The following SUGCT variants were observed in gnomAD, a reference collection of about 807,000 sequenced individuals.
The protein encoded by SUGCT is succinyl-CoA:glutarate CoA-transferase.
In SUGCT, 41 loss-of-function variants were observed where a neutral mutation model predicts 55.0. The observed-to-expected ratio is 0.74, with a 90% confidence interval of 0.58 to 0.97. The LOEUF is 0.97. Among genes scored for constraint, SUGCT ranks in the 50% least tolerant of loss-of-function variants. The probability of loss-of-function intolerance (pLI) is 0.00; values close to 1 mark genes in which losing one functional copy is unlikely to be tolerated. For synonymous variants in SUGCT, 187 were observed against 200.4 expected (o/e 0.93, Z 0.56); for missense variants, 568 against 547.8 (o/e 1.04, Z -0.37).
chr7:40,691,266 C>G (rs952019778), intron 12 of SUGCT, among the ~76,000 whole-genome samples: 3 of 151,968 alleles, frequency 2.0e-5, no homozygotes, highest in Non-Finnish European at 4.4e-5. Flanking sequence ...GTATATGAGA[C>G]TGTGTAGACT....
intron 12 of SUGCT, among the ~76,000 whole-genome samples, chr7:40,729,803 G>A (rs547703880): frequency 4.6e-5 from 7 of 152,260 alleles, no homozygotes; most frequent in African/African-American, 1.2e-4. Flanking sequence ...GAAAACACAC[G>A]CCACTGCTAA....
chr7:40,937,239 G>A, the SUGCT span, among the ~76,000 whole-genome samples: 2 of 152,026 alleles, frequency 1.3e-5, no homozygotes, highest in Non-Finnish European at 2.9e-5. Flanking sequence ...CTCAATCTCG[G>A]CTCACTGCAA....
chr7:40,274,610 A>C lies in SUGCT; in HGVS notation c.674A>C (p.Lys225Thr). ...AIMAGLIQKYKTGKGLFIDCN... is the reference protein window; with the variant it reads ...AIMAGLIQKYTTGKGLFIDCN... ...ATGGCTGGATTGATACAAAAATACA[A>C]AACTGGGAAAGGACTGTTCATTGAT... The change falls in exon 8 of 14, where the codon AAA (lysine) becomes ACA (threonine). Residue 225 changes from lysine (K) to threonine (T), a missense_variant. Physicochemically the swap from Lys to Thr is moderately conservative, Grantham distance 78. Coordinates refer to ENST00000335693, the MANE Select transcript of SUGCT (RefSeq NM_001193313.2). The C allele has an allele frequency of 6.2e-7, 1 of 1,613,800 alleles. No homozygotes were observed.
At chr7:40,245,899 A>G (rs993026474) in intron 7 of SUGCT, among the ~76,000 whole-genome samples, 2 of 152,078 alleles carry the variant, frequency 1.3e-5, no homozygotes, top group African/African-American at 4.8e-5. Flanking sequence ...GCTGGAGTGC[A>G]GTGGTGCGAT....
chr7:41,000,047 A>G, the SUGCT span, among the ~76,000 whole-genome samples: 2 of 152,148 alleles, frequency 1.3e-5, no homozygotes, highest in Non-Finnish European at 2.9e-5. Flanking sequence ...TTTCCAGAAC[A>G]AGATGGGAGT....
intron 1 of SUGCT, among the ~76,000 whole-genome samples, chr7:40,139,550 T>C (rs764852053): frequency 6.6e-6 from 1 of 152,202 alleles, no homozygotes; most frequent in Non-Finnish European, 1.5e-5. Context: ...TGCCTACTCA[T>C]GTCCTTAGCC....
Position 40,223,048 on chromosome 7 carries a change from T to C in SUGCT, c.485-14587T>C, listed in dbSNP as rs13232078. Among the ~76,000 whole-genome samples, 16 of 150,120 alleles carry C rather than the reference T, an allele frequency of 1.1e-4. No homozygotes were observed. The East Asian group carries it at 2.4e-3, about 22-fold the overall frequency. Reference sequence around the variant, plus strand: ...TTCCTTCCTTCCTTCCTTCCATCCATCCACCCATCCTTCCATTTCTTTCTT... The same window carrying C: ...TTCCTTCCTTCCTTCCTTCCATCCACCCACCCATCCTTCCATTTCTTTCTT... On this transcript the variant is annotated intron_variant, in intron 6 of 13. Coordinates refer to ENST00000335693, the MANE Select transcript of SUGCT (RefSeq NM_001193313.2).
the SUGCT span, among the ~76,000 whole-genome samples, chr7:40,917,480 C>A: frequency 0.27 from 40,355 of 151,938 alleles, 5,415 homozygotes; most frequent in Middle Eastern, 0.33. Flanking sequence ...ACGCAGCCAC[C>A]CAGATTCCTC....
chr7:40,623,578 A>C (rs1799375960), intron 12 of SUGCT, among the ~76,000 whole-genome samples: 1 of 152,218 alleles, frequency 6.6e-6, no homozygotes, highest in Non-Finnish European at 1.5e-5. Flanking sequence ...TATTAAAAGC[A>C]ATACAATTCC....
the SUGCT span, among the ~76,000 whole-genome samples, chr7:40,902,265 T>A: frequency 2.8e-4 from 42 of 152,086 alleles, no homozygotes; most frequent in African/African-American, 9.7e-4. Flanking sequence ...TGTTTATGTT[T>A]AATATATTTT....
At position 40,168,740 on chromosome 7, in the gene SUGCT, G is replaced by C. The variant is rs1291948804; in HGVS notation, c.101-12207G>C. Among the ~76,000 whole-genome samples, 7 of 152,118 alleles carry C rather than the reference G, an allele frequency of 4.6e-5. No homozygotes were observed. In the South Asian group the frequency reaches 6.2e-4, roughly 13 times the overall value. ...CAGGCAAAAGTATTTTTCCTTCTTC[G>C]GCGGCTAGCCATCCTGAGGGGAGGA... On this transcript the variant is annotated intron_variant, in intron 1 of 13. Transcript: ENST00000335693.
intron 12 of SUGCT, among the ~76,000 whole-genome samples, chr7:40,707,057 T>C (rs1785453704): frequency 6.6e-6 from 1 of 152,162 alleles, no homozygotes; most frequent in South Asian, 2.1e-4. Flanking sequence ...TCCTAGCAGC[T>C]TCCTCGGATA....
intron 9 of SUGCT, among the ~76,000 whole-genome samples, chr7:40,382,009 GTGTGTC>G (rs957883406): frequency 1.3e-4 from 20 of 150,708 alleles, no homozygotes; most frequent in Admixed American, 5.3e-4. Context: ...AGGGACGTGT[GTGTGTC>G]TGTGTGTGTG....
chr7:40,959,523 A>T, the SUGCT span, among the ~76,000 whole-genome samples: 6 of 152,106 alleles, frequency 3.9e-5, no homozygotes, highest in Non-Finnish European at 8.8e-5. Flanking sequence ...TCCCCCCACC[A>T]AGCTGGAGTA....
chr7:40,157,171 A>G (rs925673649), intron 1 of SUGCT, among the ~76,000 whole-genome samples: 3 of 152,140 alleles, frequency 2.0e-5, no homozygotes, highest in Non-Finnish European at 4.4e-5. Context: ...CCAAGATCGT[A>G]AACCCAGTAA....
At chr7:40,695,818 A>G (rs1391228184) in intron 12 of SUGCT, among the ~76,000 whole-genome samples, 1 of 152,048 alleles carries the variant, frequency 6.6e-6, no homozygotes, top group African/African-American at 2.4e-5. Context: ...GCCGGTAGGA[A>G]CCCCTTCACT....
At chr7:40,642,941 G>A (rs1182305079) in intron 12 of SUGCT, among the ~76,000 whole-genome samples, 5 of 151,724 alleles carry the variant, frequency 3.3e-5, no homozygotes, top group Non-Finnish European at 7.4e-5. Flanking sequence ...GGCAAGGGGC[G>A]GCAAAAAAAC....
intron 12 of SUGCT, among the ~76,000 whole-genome samples, chr7:40,521,189 G>A (rs1193290382): frequency 6.6e-6 from 1 of 152,042 alleles, no homozygotes; most frequent in Non-Finnish European, 1.5e-5. Context: ...TCATGGGGGC[G>A]GATTCACATT....
At chr7:40,668,292 T>C (rs1178247375) in intron 12 of SUGCT, among the ~76,000 whole-genome samples, 2 of 152,212 alleles carry the variant, frequency 1.3e-5, no homozygotes, top group African/African-American at 4.8e-5. Flanking sequence ...AGGTATTTAA[T>C]GGTTTTCTGC....
Sources: gnomAD v4.1 joint callset for allele counts (sites outside exome capture counted in the v4.1 genomes callset) on GRCh38, gnomAD v4.1.1 for gene constraint, MANE v1.5 for transcripts, NCBI Gene and HGNC (gene_info 2026-07-23, HGNC 2026-07-21) for gene names.